Variants in CSMD1 observed in about 807,000 individuals in gnomAD.
The protein encoded by CSMD1 is CUB and sushi domain-containing protein 1.
CSMD1 carries 213 observed loss-of-function variants against 417.5 expected under a neutral mutation model. That is an observed-to-expected ratio of 0.51 (90% confidence interval 0.46 to 0.57). The LOEUF (loss-of-function observed/expected upper bound fraction) is 0.57, where lower values mean the gene tolerates loss of function less well. Ranked by LOEUF, CSMD1 falls within the 20% of genes least tolerant of loss-of-function variation. CSMD1 has a pLI of 0.00. For synonymous variants in CSMD1, 2,862 were observed against 1,736.8 expected (o/e 1.65, Z -16.11); for missense variants, 6,923 against 4,529.7 (o/e 1.53, Z -15.17).
chr8:3,463,586 G>C (rs982783685), intron 12 of CSMD1, among the ~76,000 whole-genome samples: 1 of 152,180 alleles, frequency 6.6e-6, no homozygotes, highest in East Asian at 1.9e-4. Context: ...ACAAGGACAG[G>C]GGCATGAGCT....
chr8:4,294,287 C>T (rs570956579), intron 3 of CSMD1, among the ~76,000 whole-genome samples: 13 of 152,230 alleles, frequency 8.5e-5, no homozygotes, highest in Admixed American at 5.9e-4. Flanking sequence ...ATAAAGGCTT[C>T]GGTGCTTCAT....
intron 6 of CSMD1, among the ~76,000 whole-genome samples, chr8:3,715,180 TTCA>T (rs1801757379): frequency 6.6e-6 from 1 of 152,182 alleles, no homozygotes; most frequent in Non-Finnish European, 1.5e-5. Context: ...TTGCAAATTA[TTCA>T]TCAAAGTACC....
intron 5 of CSMD1, among the ~76,000 whole-genome samples, chr8:3,828,628 G>T (rs992158622): frequency 6.6e-6 from 1 of 152,058 alleles, no homozygotes. Context: ...CCCAATCCCA[G>T]TCATCGTCAC....
Position 4,343,942 on chromosome 8 carries a change from TATA to T in CSMD1, c.415+76008_415+76010del, listed in dbSNP as rs568217327. On this transcript the variant is annotated intron_variant, in intron 3 of 69. Transcript: ENST00000635120. ...CTGCCAAGAGAAGTGTTTTAAAAATTATAATAAGTATTTTCATATATACAATAA... is the reference window on the plus strand; with the variant it reads ...CTGCCAAGAGAAGTGTTTTAAAAATTATAAGTATTTTCATATATACAATAA... Among the ~76,000 whole-genome samples the T allele has an allele frequency of 8.5e-3, 1,295 of 152,256 alleles. 6 individuals carry two copies. The highest frequency in any genetic ancestry group is 0.013 in the Non-Finnish European group (887 of 68,004).
At chr8:3,236,878 G>A (rs762849480) in intron 26 of CSMD1, among the ~76,000 whole-genome samples, 65 of 152,026 alleles carry the variant, frequency 4.3e-4, no homozygotes, top group Non-Finnish European at 7.8e-4. Flanking sequence ...GAGATTATGA[G>A]TGCCCTGTTT....
chr8:4,841,565 G>A (rs1014894097), intron 1 of CSMD1, among the ~76,000 whole-genome samples: 1 of 152,106 alleles, frequency 6.6e-6, no homozygotes, highest in African/African-American at 2.4e-5. Context: ...TACAAACCAT[G>A]AAACCATTAC....
At chr8:4,221,419 G>C (rs1488201606) in intron 3 of CSMD1, among the ~76,000 whole-genome samples, 3 of 151,588 alleles carry the variant, frequency 2.0e-5, no homozygotes, top group Non-Finnish European at 2.9e-5. Flanking sequence ...AGCAAAACTT[G>C]AGAAGCTACT....
In CSMD1 at chr8:4,256,083, G is replaced by A. The variant is rs143137546; in HGVS notation, c.415+163870C>T. 5.0e-4 allele frequency among the ~76,000 whole-genome samples: 76 copies of A among 152,290 alleles called. 1 individual carries two copies. The highest frequency in any genetic ancestry group is 1.8e-3 in the African/African-American group (74 of 41,538). ...TATTTCCTGTAAGTTGTAGGCAAACGTAGGTGAATCCCAGACTACTTTGCT... is the reference window on the plus strand; with the variant it reads ...TATTTCCTGTAAGTTGTAGGCAAACATAGGTGAATCCCAGACTACTTTGCT... On this transcript the variant is annotated intron_variant, in intron 3 of 69. Transcript: ENST00000635120.
At position 4,136,143 on chromosome 8, in the gene CSMD1, A is replaced by G. The variant is rs115778305; in HGVS notation, c.416-104044T>C. Among the ~76,000 whole-genome samples, 1,211 of 152,344 alleles carry G rather than the reference A, an allele frequency of 7.9e-3. 14 individuals are homozygous for G. The highest frequency in any genetic ancestry group is 0.028 in the African/African-American group (1,176 of 41,576). ...AAAGGACCTCTCAAAAAGAACTGCT[A>G]TAACTATACTGTTTTCTTAGAAAAG... On this transcript the variant is annotated intron_variant, in intron 3 of 69. Transcript: ENST00000635120.
At chr8:4,473,805 G>A (rs1374273229) in intron 2 of CSMD1, among the ~76,000 whole-genome samples, 1 of 152,040 alleles carries the variant, frequency 6.6e-6, no homozygotes, top group African/African-American at 2.4e-5. Context: ...TAAAATGACA[G>A]AAAAATAGAG....
intron 2 of CSMD1, among the ~76,000 whole-genome samples, chr8:4,421,036 T>C (rs1410005159): frequency 6.6e-6 from 1 of 152,100 alleles, no homozygotes; most frequent in Non-Finnish European, 1.5e-5. Flanking sequence ...TTTAATTCAG[T>C]CCCCTTAAAG....
At position 4,761,844 on chromosome 8, in the gene CSMD1, T is replaced by C. The variant is rs73661117; in HGVS notation, c.86-124286A>G. On this transcript the variant is annotated intron_variant, in intron 1 of 69. Transcript: ENST00000635120. ...AGCAAAATAGTACCATGCATCTATC[T>C]ATCTATCTATCTATCTATCTATCTA... is the stretch of plus-strand genomic sequence containing the variant. Among the ~76,000 whole-genome samples the C allele has an allele frequency of 2.3e-3, 137 of 58,938 alleles. 3 individuals are homozygous for C. The highest frequency in any genetic ancestry group is 6.9e-3 in the African/African-American group (126 of 18,164). The allele number at this position is 58,938 out of a possible 152,430, so 38.7% of individuals were successfully genotyped here.
chr8:3,774,924 T>A (rs2129060579), intron 5 of CSMD1, among the ~76,000 whole-genome samples: 1 of 152,188 alleles, frequency 6.6e-6, no homozygotes, highest in East Asian at 1.9e-4. Context: ...CCAAGAAGGC[T>A]ACTGACTGAC....
intron 12 of CSMD1, among the ~76,000 whole-genome samples, chr8:3,458,473 C>G (rs1032593367): frequency 1.3e-5 from 2 of 152,168 alleles, no homozygotes; most frequent in African/African-American, 2.4e-5. Context: ...TATCTTCATA[C>G]AAACTCTCCA....
chr8:2,991,580 T>C (rs540168391), intron 54 of CSMD1, among the ~76,000 whole-genome samples: 1 of 152,320 alleles, frequency 6.6e-6, no homozygotes, highest in African/African-American at 2.4e-5. Flanking sequence ...TGGTTCAAAA[T>C]TGCCATTTCC....
At chr8:3,570,077 C>T (rs902149273) in intron 10 of CSMD1, among the ~76,000 whole-genome samples, 5 of 152,096 alleles carry the variant, frequency 3.3e-5, no homozygotes, top group African/African-American at 1.2e-4. Flanking sequence ...ATTGTATAAA[C>T]CCAAGCTGCC....
At chr8:3,919,694 A>T (rs1809094989) in intron 5 of CSMD1, among the ~76,000 whole-genome samples, 1 of 152,004 alleles carries the variant, frequency 6.6e-6, no homozygotes, top group Admixed American at 6.6e-5. Context: ...TTTGATAGAG[A>T]TTGCTTTGAA....
Position 3,586,143 on chromosome 8 carries a change from G to T in CSMD1, c.1215C>A (p.Ile405=), listed in dbSNP as rs369184743. 9 of 1,611,950 alleles carry T rather than the reference G, an allele frequency of 5.6e-6. No individual in the cohort carries two copies. Among genetic ancestry groups the T allele is most frequent in the Non-Finnish European group, 7.6e-6 (9 of 1,179,194 alleles). ...CCACCGCAGGTGCCTTACCTCGGCA[G>T]ATGGGCCTGTGGTCACTCCAAGCAG... ...TLAAWSDHRP[I]CRARTCGSNL... is the part of the protein sequence containing the mutation. Residue 405 remains isoleucine (I), a synonymous_variant, in exon 9 of 70, where the codon ATC becomes ATA. Coordinates refer to ENST00000635120, the MANE Select transcript of CSMD1 (RefSeq NM_033225.6).
chr8:4,524,054 T>C (rs2130414929), intron 2 of CSMD1, among the ~76,000 whole-genome samples: 1 of 152,244 alleles, frequency 6.6e-6, no homozygotes, highest in East Asian at 1.9e-4. Flanking sequence ...AAATCCTCCC[T>C]GTGTTTTTTA....
Sources: allele counts gnomAD v4.1 joint callset (sites outside exome capture counted in the v4.1 genomes callset), GRCh38; gene constraint gnomAD v4.1.1; transcripts MANE v1.5; gene names NCBI Gene and HGNC (gene_info 2026-07-23, HGNC 2026-07-21).